Variants in FBXO34 observed in about 807,000 individuals in gnomAD.
FBXO34 encodes F-box protein 34, also known as F-box only protein 34.
Under a neutral mutation model 24.5 loss-of-function variants are expected in FBXO34, and 12 were observed. That is an observed-to-expected ratio of 0.49 (90% CI 0.31 to 0.79). The LOEUF is 0.79. Among genes scored for constraint, FBXO34 ranks in the 30% least tolerant of loss-of-function variants. The pLI is 0.04. For synonymous variants in FBXO34, 320 were observed against 311.9 expected (o/e 1.03, Z -0.27); for missense variants, 823 against 857.7 (o/e 0.96, Z 0.51).
At chr14:55,427,015 C>T in the FBXO34 span, among the ~76,000 whole-genome samples, 1 of 152,130 alleles carries the variant, frequency 6.6e-6, no homozygotes, top group East Asian at 1.9e-4. Context: ...CCTTAGAGTT[C>T]GGGCAGAGCT....
At chr14:55,374,139 T>C (rs1225318159), downstream of FBXO34, among the ~76,000 whole-genome samples, 2 of 152,242 alleles carry the variant, frequency 1.3e-5, no homozygotes, top group African/African-American at 4.8e-5. Flanking sequence ...TCATCGAGCC[T>C]TCCTATTTTT....
At chr14:55,331,743 GTGTA>G (rs1185295185) in intron 1 of FBXO34, among the ~76,000 whole-genome samples, 1 of 42,954 alleles carries the variant, frequency 2.3e-5, no homozygotes, top group African/African-American at 3.3e-4. Flanking sequence ...ATATATATGT[GTGTA>G]TATATATATA....
chr14:55,387,294 T>C, the FBXO34 span, among the ~76,000 whole-genome samples: 1 of 152,170 alleles, frequency 6.6e-6, no homozygotes, highest in Non-Finnish European at 1.5e-5. Flanking sequence ...TGCAACATAT[T>C]TCAAATCCTT....
At chr14:55,331,608 AT>A (rs1028068666) in intron 1 of FBXO34, among the ~76,000 whole-genome samples, 19 of 141,062 alleles carry the variant, frequency 1.3e-4, no homozygotes, top group African/African-American at 4.6e-4. Flanking sequence ...ATATAAAAAA[AT>A]ATAAAATATA....
intron 1 of FBXO34, among the ~76,000 whole-genome samples, chr14:55,276,791 C>T (rs931876077): frequency 8.5e-5 from 13 of 152,260 alleles, no homozygotes; most frequent in South Asian, 4.2e-4. Context: ...ATCAATCAGA[C>T]GAATTCTTGG....
the FBXO34 span, chr14:55,440,454 C>T: frequency 1.9e-6 from 3 of 1,612,504 alleles, no homozygotes; most frequent in Non-Finnish European, 2.5e-6. Context: ...CTCCATGGAC[C>T]GTAATCCCAC....
chr14:55,400,914 A>C, the FBXO34 span, among the ~76,000 whole-genome samples: 1 of 70,936 alleles, frequency 1.4e-5, no homozygotes, highest in East Asian at 3.7e-4. Context: ...ATAAATAAAT[A>C]AAATAAAATA....
chr14:55,297,183 A>T (rs937235466), intron 1 of FBXO34, among the ~76,000 whole-genome samples: 1 of 152,170 alleles, frequency 6.6e-6, no homozygotes, highest in Admixed American at 6.5e-5. Flanking sequence ...GCTCTATTTT[A>T]TAGGCTGCTC....
At position 55,351,836 on chromosome 14, in the gene FBXO34, G is replaced by T. The variant is rs1566569210; in HGVS notation, c.1446G>T (p.Leu482Phe). 14 of 1,613,624 alleles carry T rather than the reference G, an allele frequency of 8.7e-6. No individual in the cohort carries two copies. The highest frequency in any genetic ancestry group is 1.1e-5 in the Non-Finnish European group (13 of 1,179,824). Residue 482 changes from leucine to phenylalanine, a missense_variant, in exon 2 of 2, where the codon TTG becomes TTT. Transcript: ENST00000313833. ...GTGAAGACCCAGTTCCAGGGATGTT[G>T]TTTTTTTTGCCACCTGGTCAGCACT... ...NSCEDPVPGM[L>F]FFLPPGQHLS...
chr14:55,354,071 C>A (rs1287142973), downstream of FBXO34, among the ~76,000 whole-genome samples: 1 of 152,138 alleles, frequency 6.6e-6, no homozygotes, highest in Admixed American at 6.6e-5. Flanking sequence ...ATGGTACGTG[C>A]TCTAGGGGAG....
the FBXO34 span, among the ~76,000 whole-genome samples, chr14:55,442,448 G>A: frequency 2.0e-5 from 3 of 151,554 alleles, no homozygotes; most frequent in Admixed American, 2.0e-4. Flanking sequence ...ACTAGATTTT[G>A]CTCTCTGAGA....
intron 1 of FBXO34, among the ~76,000 whole-genome samples, chr14:55,317,707 A>G (rs192180806): frequency 9.2e-5 from 14 of 152,314 alleles, no homozygotes; most frequent in Non-Finnish European, 1.8e-4. Flanking sequence ...GAATCAGCAA[A>G]TACTACAAAC....
intron 1 of FBXO34, among the ~76,000 whole-genome samples, chr14:55,316,558 C>G (rs1385797627): frequency 7.7e-6 from 1 of 129,036 alleles, no homozygotes; most frequent in Non-Finnish European, 1.6e-5. Flanking sequence ...AAAACCCTGT[C>G]TCTACCAAAA....
At chr14:55,283,309 T>C (rs1187897013) in intron 1 of FBXO34, among the ~76,000 whole-genome samples, 1 of 152,198 alleles carries the variant, frequency 6.6e-6, no homozygotes, top group Non-Finnish European at 1.5e-5. Flanking sequence ...TTTTAACTTG[T>C]GGAATTTCAC....
At chr14:55,400,747 AC>A in the FBXO34 span, among the ~76,000 whole-genome samples, 1 of 152,092 alleles carries the variant, frequency 6.6e-6, no homozygotes, top group African/African-American at 2.4e-5. Context: ...TACTAAAAAT[AC>A]AAAAAATTAG....
chr14:55,430,398 TAAAAA>T, the FBXO34 span, among the ~76,000 whole-genome samples: 187 of 119,806 alleles, frequency 1.6e-3, no homozygotes, highest in African/African-American at 1.9e-3. Context: ...TCACCCACTT[TAAAAA>T]AAAAAAAAAA....
At chr14:55,276,214 T>C (rs1881337753) in intron 1 of FBXO34, among the ~76,000 whole-genome samples, 1 of 152,244 alleles carries the variant, frequency 6.6e-6, no homozygotes, top group South Asian at 2.1e-4. Flanking sequence ...TACGCAAGCC[T>C]CTCACAGCCT....
intron 1 of FBXO34, among the ~76,000 whole-genome samples, chr14:55,300,405 A>G (rs920723109): frequency 1.3e-5 from 2 of 152,174 alleles, no homozygotes; most frequent in African/African-American, 4.8e-5. Context: ...AGCGTGGCCA[A>G]TATGGTGAAA....
At chr14:55,428,939 G>C in the FBXO34 span, 1 of 1,614,116 alleles carries the variant, frequency 6.2e-7, no homozygotes, top group Non-Finnish European at 8.5e-7. Context: ...CACCACACGA[G>C]CATATTTTCT....
Sources: gnomAD v4.1 joint callset for allele counts (sites outside exome capture counted in the v4.1 genomes callset) on GRCh38, gnomAD v4.1.1 for gene constraint, MANE v1.5 for transcripts, NCBI Gene and HGNC (gene_info 2026-07-23, HGNC 2026-07-21) for gene names.